Variants in AFG2A observed in about 807,000 individuals in gnomAD.
AFG2A encodes the protein ATPase family gene 2 protein homolog A.
chr4:123,004,734 G>T, the AFG2A span, among the ~76,000 whole-genome samples: 2 of 152,116 alleles, frequency 1.3e-5, no homozygotes, highest in African/African-American at 4.8e-5. Flanking sequence ...ATGTTGGCAC[G>T]GTGAAATGAG....
chr4:123,082,564 C>G, the AFG2A span, among the ~76,000 whole-genome samples: 1 of 143,476 alleles, frequency 7.0e-6, no homozygotes, highest in Admixed American at 7.2e-5. Context: ...GTTTTGATTA[C>G]TGTCGCTTTA....
At chr4:123,299,083 AC>A in the AFG2A span, among the ~76,000 whole-genome samples, 11 of 151,498 alleles carry the variant, frequency 7.3e-5, no homozygotes, top group East Asian at 1.9e-3. Flanking sequence ...GCTTAAACTT[AC>A]ACCACATCTT....
the AFG2A span, among the ~76,000 whole-genome samples, chr4:123,083,503 T>G: frequency 6.6e-6 from 1 of 152,152 alleles, no homozygotes; most frequent in South Asian, 2.1e-4. Flanking sequence ...TTTCAAGTGT[T>G]AAACTAGCCT....
the AFG2A span, among the ~76,000 whole-genome samples, chr4:123,047,555 C>T: frequency 6.6e-6 from 1 of 152,060 alleles, no homozygotes; most frequent in Non-Finnish European, 1.5e-5. Flanking sequence ...GCTGTGCAGA[C>T]ACTGTTGAGG....
chr4:123,316,201 G>A, the AFG2A span: 1 of 152,056 alleles, frequency 6.6e-6, no homozygotes, highest in Admixed American at 6.5e-5. Flanking sequence ...CCACCTAGGG[G>A]ACAAAGAATA....
At chr4:123,193,890 A>G in the AFG2A span, among the ~76,000 whole-genome samples, 1 of 152,190 alleles carries the variant, frequency 6.6e-6, no homozygotes, top group Non-Finnish European at 1.5e-5. Flanking sequence ...CAGACCACAC[A>G]CAGCCTTACA....
the AFG2A span, chr4:122,933,949 G>A: frequency 1.1e-6 from 1 of 885,802 alleles, no homozygotes; most frequent in Non-Finnish European, 1.7e-6. Context: ...GGGAATATTA[G>A]GTCCTCAATT....
chr4:123,198,194 G>A, the AFG2A span, among the ~76,000 whole-genome samples: 8 of 151,848 alleles, frequency 5.3e-5, no homozygotes, highest in Non-Finnish European at 8.8e-5. Flanking sequence ...GCTTGAGCCC[G>A]GGAGGTGCAG....
the AFG2A span, among the ~76,000 whole-genome samples, chr4:123,274,875 TA>T: frequency 6.6e-6 from 1 of 152,132 alleles, no homozygotes; most frequent in African/African-American, 2.4e-5. Flanking sequence ...TAATTTTCAA[TA>T]AAAAGAATCC....
At chr4:122,968,751 G>A in the AFG2A span, among the ~76,000 whole-genome samples, 1 of 152,108 alleles carries the variant, frequency 6.6e-6, no homozygotes, top group South Asian at 2.1e-4. Context: ...AAACGTTTTT[G>A]TAGTGATTTT....
At chr4:123,105,428 G>T in the AFG2A span, among the ~76,000 whole-genome samples, 1 of 152,212 alleles carries the variant, frequency 6.6e-6, no homozygotes, top group Non-Finnish European at 1.5e-5. Context: ...TGCTAAAACA[G>T]TATCTATTCT....
the AFG2A span, among the ~76,000 whole-genome samples, chr4:123,158,654 ATCTAG>A: frequency 6.6e-6 from 1 of 152,200 alleles, no homozygotes; most frequent in Non-Finnish European, 1.5e-5. Context: ...TTATTATTGC[ATCTAG>A]TCTATGGAAA....
chr4:123,087,108 C>T, the AFG2A span, among the ~76,000 whole-genome samples: 3 of 152,122 alleles, frequency 2.0e-5, no homozygotes, highest in Non-Finnish European at 4.4e-5. Context: ...TTTCTGTCTT[C>T]GTAGGCCTTG....
chr4:123,039,577 A>G, the AFG2A span, among the ~76,000 whole-genome samples: 76 of 152,070 alleles, frequency 5.0e-4, no homozygotes, highest in Middle Eastern at 3.4e-3. Flanking sequence ...CCACATGTAA[A>G]TGAAAAGTAC....
At chr4:122,962,855 C>A in the AFG2A span, among the ~76,000 whole-genome samples, 2 of 152,198 alleles carry the variant, frequency 1.3e-5, no homozygotes, top group African/African-American at 4.8e-5. Flanking sequence ...ACAGTTCACA[C>A]CATCATCAGC....
chr4:123,111,211 C>T, the AFG2A span, among the ~76,000 whole-genome samples: 2 of 151,900 alleles, frequency 1.3e-5, no homozygotes, highest in Admixed American at 1.3e-4. Flanking sequence ...ATGTATTTGG[C>T]CTTATATAGC....
At chr4:123,023,833 G>T in the AFG2A span, among the ~76,000 whole-genome samples, 1 of 152,032 alleles carries the variant, frequency 6.6e-6, no homozygotes, top group South Asian at 2.1e-4. Flanking sequence ...CCTGGCTTCT[G>T]GTTGACTTGA....
At chr4:123,055,927 T>C in the AFG2A span, among the ~76,000 whole-genome samples, 1 of 152,222 alleles carries the variant, frequency 6.6e-6, no homozygotes, top group African/African-American at 2.4e-5. Context: ...CTGCTGTGTT[T>C]CTTACAATAT....
the AFG2A span, among the ~76,000 whole-genome samples, chr4:123,271,441 G>T: frequency 6.6e-6 from 1 of 152,110 alleles, no homozygotes; most frequent in Non-Finnish European, 1.5e-5. Context: ...ATCAAGAATT[G>T]AAGGCTTCTG....
Sources: gnomAD v4.1 joint callset for allele counts (sites outside exome capture counted in the v4.1 genomes callset) on GRCh38, gnomAD v4.1.1 for gene constraint, MANE v1.5 for transcripts, NCBI Gene and HGNC (gene_info 2026-07-23, HGNC 2026-07-21) for gene names.